Variants in SNX21 observed in about 807,000 individuals in gnomAD.
The protein encoded by SNX21 is sorting nexin-21.
A neutral mutation model predicts 30.9 loss-of-function variants in SNX21; 36 were observed. The ratio of observed to expected loss-of-function variants is 1.16; its 90% confidence interval spans 0.89 to 1.54. The LOEUF is 1.54. Ranked by LOEUF, SNX21 falls within the 40% of genes most tolerant of loss-of-function variation. SNX21 has a pLI of 0.00. For missense variants in SNX21, 508 were observed against 516.5 expected, an observed-to-expected ratio of 0.98 and a Z score of 0.16; for synonymous variants, 218 against 222.7, an observed-to-expected ratio of 0.98 and a Z score of 0.19.
At chr20:45,834,774 A>C in intron 2 of SNX21, 185 bp from the exon 3 acceptor site, 1 of 757,436 alleles carries the variant, frequency 1.3e-6, no homozygotes, top group Non-Finnish European at 2.1e-6. Context: ...GGAGCTATTA[A>C]TTTAGCCCCT....
chr20:45,834,654 C>A (rs1405584858), intron 2 of SNX21, 186 bp downstream of exon 2: 1 of 805,900 alleles, frequency 1.2e-6, no homozygotes, highest in Non-Finnish European at 1.9e-6. Flanking sequence ...GCCAAGTTTT[C>A]CCTTGTGTCA....
chr20:45,836,236 G>A (rs566716467), intron 3 of SNX21, among the ~76,000 whole-genome samples: 19 of 152,220 alleles, frequency 1.2e-4, no homozygotes, highest in Non-Finnish European at 2.6e-4. Flanking sequence ...GGTGGCTCAC[G>A]CCTGTAATCC....
chr20:45,840,703 G>T lies in SNX21; in HGVS notation c.512G>T (p.Arg171Leu). 6.2e-7 allele frequency: 1 copy of T among 1,614,170 alleles called. No individual in the cohort carries two copies. The highest frequency in any genetic ancestry group is 8.5e-7 in the Non-Finnish European group (1 of 1,180,038). The change falls in exon 4 of 4, where the codon CGT (arginine) becomes CTT (leucine). Residue 171 changes from arginine (R) to leucine (L), a missense_variant. Transcript: ENST00000491381. ...PDCQPAQISR[R>L]YSDFERLHRN... ...TGCCAGCCAGCCCAGATCTCTCGCC[G>T]TTACTCGGACTTTGAGCGGCTGCAC...
rs1387875660 is a variant in SNX21, at chr20:45,841,660, TG to T, written c.*349del. 2.8e-6 allele frequency: 4 copies of T among 1,419,396 alleles called. No individual in the cohort carries two copies. The highest frequency in any genetic ancestry group is 3.7e-6 in the Non-Finnish European group (4 of 1,093,468). The allele number at this position is 1,419,396 out of a possible 1,614,324, so 87.9% of individuals were successfully genotyped here. The stretch of plus-strand genomic sequence containing the variant: ...GCCAGGGACTCTGCCCCTGGAGTCC[TG>T]GAGTTAAGGGATGAAGGCAAGGCTG... On this transcript the variant is annotated 3_prime_UTR_variant, in exon 4 of 4. Transcript: ENST00000491381.
rs6073926 is a variant in SNX21, at chr20:45,837,579, T to C, written c.447+2463T>C. Among the ~76,000 whole-genome samples the C allele has an allele frequency of 9.0e-3, 1,373 of 152,244 alleles. 13 individuals carry two copies. Among genetic ancestry groups the C allele is most frequent in the East Asian group, 0.018 (93 of 5,184 alleles). ...TAACTCTCCTTTTAAACCTGTTGGC[T>C]TGGCATTATAGGTTAATCCATATTC... On this transcript the variant is annotated intron_variant, in intron 3 of 3. Coordinates refer to ENST00000491381, the MANE Select transcript of SNX21 (RefSeq NM_033421.4).
intron 3 of SNX21, among the ~76,000 whole-genome samples, chr20:45,835,363 C>A (rs1268472078): frequency 6.6e-6 from 1 of 152,180 alleles, no homozygotes; most frequent in Non-Finnish European, 1.5e-5. Context: ...ACTAAGAGAA[C>A]TGGTGTGTGC....
rs1323893980 is a variant in SNX21 at position 45,842,086 on chromosome 20, C to T, written c.*773C>T. 6.5e-7 allele frequency: 1 copy of T among 1,538,306 alleles called. No individual in the cohort carries two copies. Among genetic ancestry groups the T allele is most frequent in the Non-Finnish European group, 8.7e-7 (1 of 1,146,948 alleles). On this transcript the variant is annotated 3_prime_UTR_variant, in exon 4 of 4. Transcript: ENST00000491381. ...AAGCGCCTGGGTTCAAGGGATCCTC[C>T]CGCCTCAGCCTCCTGAGCAGCTGGG...
chr20:45,838,571 C>T (rs375529842), intron 3 of SNX21, among the ~76,000 whole-genome samples: 20 of 151,530 alleles, frequency 1.3e-4, no homozygotes, highest in Admixed American at 1.1e-3. Flanking sequence ...CTGGCCAACA[C>T]GGTGAAACCC....
At chr20:45,838,070 G>A (rs375992311) in intron 3 of SNX21, among the ~76,000 whole-genome samples, 8 of 146,754 alleles carry the variant, frequency 5.5e-5, no homozygotes, top group African/African-American at 1.8e-4. Flanking sequence ...ACGCCCAGCC[G>A]AACCTATTTT....
rs754638607 is a variant in SNX21, at chr20:45,843,112, G to C, written c.*1799G>C. On this transcript the variant is annotated 3_prime_UTR_variant, in exon 4 of 4. Coordinates refer to ENST00000491381, the MANE Select transcript of SNX21 (RefSeq NM_033421.4). ...GACCTACTGAGTGAGAATCTTGAGGGTGGAATCAGAATCTATTTTGAAAAG... is the reference window on the plus strand; with the variant it reads ...GACCTACTGAGTGAGAATCTTGAGGCTGGAATCAGAATCTATTTTGAAAAG... 3.5e-5 allele frequency: 37 copies of C among 1,060,848 alleles called. No homozygotes were observed. The highest frequency in any genetic ancestry group is 4.3e-5 in the Non-Finnish European group (36 of 827,694). 65.7% of individuals were successfully genotyped at this position (1,060,848 alleles called of 1,614,324 possible).
In SNX21 at chr20:45,842,163, G is replaced by GA; in HGVS notation, c.*850_*851insA. ...ACCTCCAAGTGGACTTCTTGCAAAGGGTCTGGCCCAGGGCAGGGCTGCCCC... is the reference window on the plus strand; with the variant it reads ...ACCTCCAAGTGGACTTCTTGCAAAGGAGTCTGGCCCAGGGCAGGGCTGCCCC... On this transcript the variant is annotated 3_prime_UTR_variant, in exon 4 of 4. Coordinates refer to ENST00000491381, the MANE Select transcript of SNX21 (RefSeq NM_033421.4). 6.6e-7 allele frequency: 1 copy of GA among 1,520,084 alleles called. No homozygotes were observed. Among genetic ancestry groups the GA allele is most frequent in the Non-Finnish European group, 8.8e-7 (1 of 1,140,322 alleles). The allele number at this position is 1,520,084 out of a possible 1,614,324, so 94.2% of individuals were successfully genotyped here. A position where few individuals can be genotyped will look rare whatever the true frequency, so the allele number is the denominator to read the frequency against.
At chr20:45,840,037 C>A in intron 3 of SNX21, 1 of 550,686 alleles carries the variant, frequency 1.8e-6, no homozygotes, top group Non-Finnish European at 2.3e-6. Context: ...CTTGACCGAG[C>A]ACTTCCTTCA....
Position 45,835,261 on chromosome 20 carries a change from A to C in SNX21, c.447+145A>C, listed in dbSNP as rs544923258. 4.1e-6 allele frequency: 4 copies of C among 978,444 alleles called. No homozygotes were observed. The African/African-American group carries it at 5.0e-5, about 12-fold the overall frequency. The allele number at this position is 978,444 out of a possible 1,614,324, so 60.6% of individuals were successfully genotyped here. A position where few individuals can be genotyped will look rare whatever the true frequency, so the allele number is the denominator to read the frequency against. ...TGGGGAAACTGAGGTCAGAAAGGGG[A>C]TGTAACTTGAGCAAATCCTCACACA... On this transcript the variant is annotated intron_variant, in intron 3 of 3. Coordinates refer to ENST00000491381, the MANE Select transcript of SNX21 (RefSeq NM_033421.4).
rs752006986 is a variant in SNX21 at position 45,841,999 on chromosome 20, G to GC, written c.*688dup. On this transcript the variant is annotated 3_prime_UTR_variant, in exon 4 of 4. Transcript: ENST00000491381. Reference sequence around the variant, plus strand: ...GGTGATGATGGCCTGCTTCAGAACAGCCAAATACACTTTTTTTTTTTTTCC... The same window carrying GC: ...GGTGATGATGGCCTGCTTCAGAACAGCCCAAATACACTTTTTTTTTTTTTCC... 41 of 1,604,594 alleles carry GC rather than the reference G, an allele frequency of 2.6e-5. No individual in the cohort carries two copies. In the South Asian group the frequency reaches 4.2e-4, roughly 17 times the overall value.
In SNX21 at chr20:45,834,960, A is replaced by G. The variant is rs761433440; in HGVS notation, c.291A>G (p.Glu97=). ...ATATGACTGGTCATGTGTCTGCAGA[A>G]CGGAGCCCCCCACCTGATGGGCAGT... is the stretch of plus-strand genomic sequence containing the variant. ...LGDGTSGEDA[E]RSPPPDGQWG... Residue 97 remains glutamate, a splice_region_variant and synonymous_variant, in exon 3 of 4, where the codon GAA becomes GAG. Coordinates refer to ENST00000491381, the MANE Select transcript of SNX21 (RefSeq NM_033421.4). 6.2e-7 allele frequency: 1 copy of G among 1,613,348 alleles called. No individual in the cohort carries two copies.
intron 3 of SNX21, 141 bp downstream of exon 3, chr20:45,835,257 G>C: frequency 9.7e-7 from 1 of 1,026,850 alleles, no homozygotes; most frequent in Non-Finnish European, 1.4e-6. Flanking sequence ...AGGTCAGAAA[G>C]GGGATGTAAC....
intron 3 of SNX21, 21 bp from the exon 4 acceptor site, chr20:45,840,618 T>C: frequency 6.2e-7 from 1 of 1,613,550 alleles, no homozygotes; most frequent in South Asian, 1.1e-5. Context: ...GCATTTGCCC[T>C]GACACCCACC....
Position 45,842,596 on chromosome 20 carries a change from T to C in SNX21, c.*1283T>C, listed in dbSNP as rs1209283860. 2.0e-6 allele frequency: 2 copies of C among 993,864 alleles called. No individual in the cohort carries two copies. Among genetic ancestry groups the C allele is most frequent in the Non-Finnish European group, 2.4e-6 (2 of 835,162 alleles). The allele number at this position is 993,864 out of a possible 1,614,324, so 61.6% of individuals were successfully genotyped here. On this transcript the variant is annotated 3_prime_UTR_variant, in exon 4 of 4. Coordinates refer to ENST00000491381, the MANE Select transcript of SNX21 (RefSeq NM_033421.4). ...GAGACTCTTTCTCCCTTGCTGGCTT[T>C]GGGCCCAAGTTTGATGTTTATGAGG... is the stretch of plus-strand genomic sequence containing the variant.
At position 45,842,358 on chromosome 20, in the gene SNX21, G is replaced by A; in HGVS notation, c.*1045G>A. 3.7e-6 allele frequency: 5 copies of A among 1,351,254 alleles called. No individual in the cohort carries two copies. The highest frequency in any genetic ancestry group is 1.8e-5 in the South Asian group (1 of 56,736). The allele number at this position is 1,351,254 out of a possible 1,614,324, so 83.7% of individuals were successfully genotyped here. On this transcript the variant is annotated 3_prime_UTR_variant, in exon 4 of 4. Transcript: ENST00000491381. ...AAGATCACAGAGGGAGGAGCTCTGA[G>A]AACAGTCTCCTTCAACAGCTCGGCC...
Sources: gnomAD v4.1 joint callset for allele counts (sites outside exome capture counted in the v4.1 genomes callset) on GRCh38, gnomAD v4.1.1 for gene constraint, MANE v1.5 for transcripts, NCBI Gene and HGNC (gene_info 2026-07-23, HGNC 2026-07-21) for gene names.